The following PKDCC variants were observed in gnomAD, a reference collection of about 807,000 sequenced individuals.
PKDCC encodes the protein extracellular tyrosine-protein kinase PKDCC.
In PKDCC, 35 loss-of-function variants were observed where a neutral mutation model predicts 44.7. That is an observed-to-expected ratio of 0.78 (90% CI 0.60 to 1.04). The LOEUF is 1.04. Among genes scored for constraint, PKDCC ranks in the 50% least tolerant of loss-of-function variants. The pLI, the probability that PKDCC is intolerant of heterozygous loss-of-function variation, is 0.00. For missense variants in PKDCC, 738 were observed against 672.7 expected, an observed-to-expected ratio of 1.10 and a Z score of -1.07; for synonymous variants, 353 against 303.3, an observed-to-expected ratio of 1.16 and a Z score of -1.70.
At position 42,048,829 on chromosome 2, in the gene PKDCC, C is replaced by A; in HGVS notation, c.630C>A (p.Asn210Lys). Residue 210 changes from asparagine (N) to lysine (K), a missense_variant, in exon 1 of 7, where the codon AAC (asparagine) becomes AAA (lysine). Physicochemically the swap from Asn to Lys is moderately conservative, Grantham distance 94. Transcript: ENST00000294964. The surrounding 1 kb of genome is among the most constrained non-coding windows in gnomAD (Gnocchi z 6.2). ...MVLLERLRHP[N>K]VLQLYGYCYQ... ...TGCTGGAGCGGCTGCGGCACCCCAACGTGCTGCAGGTACGAGGGTGGGGAC... is the reference window on the plus strand; with the variant it reads ...TGCTGGAGCGGCTGCGGCACCCCAAAGTGCTGCAGGTACGAGGGTGGGGAC... The A allele has an allele frequency of 6.8e-7, 1 of 1,464,218 alleles. No individual in the cohort carries two copies. Among genetic ancestry groups the A allele is most frequent in the Non-Finnish European group, 9.1e-7 (1 of 1,099,704 alleles). The allele number at this position is 1,464,218 out of a possible 1,614,324, so 90.7% of individuals were successfully genotyped here.
In PKDCC at chr2:42,051,827, A is replaced by T. The variant is rs983601877; in HGVS notation, c.640-1412A>T. On this transcript the variant is annotated intron_variant, in intron 1 of 6. Transcript: ENST00000294964. This position sits in a 1 kb window ranked among gnomAD's most constrained non-coding sequence, Gnocchi z 4.2. ...GAGGGGGCACTCCTAGGGCGGGAAG[A>T]GGACATGTGAGGACCTGGAGTGGCT... 1.3e-5 allele frequency among the ~76,000 whole-genome samples: 2 copies of T among 152,106 alleles called. No individual in the cohort carries two copies. Among genetic ancestry groups the T allele is most frequent in the Non-Finnish European group, 2.9e-5 (2 of 68,006 alleles).
rs1190801542 is a variant in PKDCC, at chr2:42,053,246, G to A, written c.647G>A (p.Gly216Asp). 2 of 1,609,356 alleles carry A rather than the reference G, an allele frequency of 1.2e-6. No individual in the cohort carries two copies. The highest frequency in any genetic ancestry group is 2.7e-5 in the African/African-American group (2 of 74,480). ...LRHPNVLQLY[G>D]YCYQDSEDIP... is the part of the protein sequence containing the mutation. ...GCCCTCGGCTTTCCCCAGCTCTATG[G>A]CTACTGCTACCAGGACAGCGAGGAC... Residue 216 changes from glycine (G) to aspartate (D), a missense_variant, in exon 2 of 7, where the codon GGC (glycine) becomes GAC (aspartate). Gly to Asp is a moderately conservative substitution (Grantham distance 94). Coordinates refer to ENST00000294964, the MANE Select transcript of PKDCC (RefSeq NM_138370.3).
chr2:42,048,435 C>T lies in PKDCC; in HGVS notation c.236C>T (p.Ala79Val). The change falls in exon 1 of 7, where the codon GCG (alanine) becomes GTG (valine). Residue 79 changes from alanine to valine, a missense_variant. Ala to Val is a moderately conservative substitution (Grantham distance 64). Coordinates refer to ENST00000294964, the MANE Select transcript of PKDCC (RefSeq NM_138370.3). The surrounding 1 kb of genome is among the most constrained non-coding windows in gnomAD (Gnocchi z 6.2). ...TCCCGCGGGGGCCCCGGGCCCGGGG[C>T]GGGCCGGCCGGAGCGGCGGCGCCTG... ...RYSRGGPGPGAGRPERRRLMD... is the reference protein window; with the variant it reads ...RYSRGGPGPGVGRPERRRLMD... The T allele has an allele frequency of 9.0e-7, 1 of 1,113,148 alleles. No individual in the cohort carries two copies. Among genetic ancestry groups the T allele is most frequent in the Non-Finnish European group, 1.1e-6 (1 of 915,258 alleles). The allele number at this position is 1,113,148 out of a possible 1,614,324, so 69.0% of individuals were successfully genotyped here. A position where few individuals can be genotyped will look rare whatever the true frequency, so the allele number is the denominator to read the frequency against.
intron 2 of PKDCC, 79 bp downstream of exon 2, chr2:42,053,440 C>T: frequency 1.3e-6 from 2 of 1,496,292 alleles, no homozygotes; most frequent in East Asian, 4.7e-5. Flanking sequence ...TCCAAAGCAG[C>T]TCCCACTCCT....
In PKDCC at chr2:42,051,870, G is replaced by T. The variant is rs1203649821; in HGVS notation, c.640-1369G>T. On this transcript the variant is annotated intron_variant, in intron 1 of 6. Transcript: ENST00000294964. This position sits in a 1 kb window ranked among gnomAD's most constrained non-coding sequence, Gnocchi z 4.2. ...GAGTGGCTCTGGGGAGGGTGTGAAT[G>T]ATGGTATGAGGGTGACAGTGCACAG... Among the ~76,000 whole-genome samples, 2 of 152,112 alleles carry T rather than the reference G, an allele frequency of 1.3e-5. No individual in the cohort carries two copies. Among genetic ancestry groups the T allele is most frequent in the Admixed American group, 1.3e-4 (2 of 15,280 alleles).
At chr2:42,056,222 C>T (rs1339353203) in intron 5 of PKDCC, among the ~76,000 whole-genome samples, 1 of 152,124 alleles carries the variant, frequency 6.6e-6, no homozygotes, top group Non-Finnish European at 1.5e-5. Context: ...AGGCCCAGGG[C>T]TTCTGCATTA....
chr2:42,053,175 T>C, intron 1 of PKDCC, 64 bp from the exon 2 acceptor site: 1 of 1,295,138 alleles, frequency 7.7e-7, no homozygotes, highest in Non-Finnish European at 1.1e-6. Flanking sequence ...AACCTGACAG[T>C]CCAGCCCTTC....
rs1667891875 is a variant in PKDCC at position 42,048,074 on chromosome 2, G to A, written c.-126G>A. The A allele has an allele frequency of 6.7e-6, 3 of 447,534 alleles. No individual in the cohort carries two copies. The highest frequency in any genetic ancestry group is 8.8e-6 in the Non-Finnish European group (3 of 341,338). The allele number at this position is 447,534 out of a possible 1,614,324, so 27.7% of individuals were successfully genotyped here. ...GCGAGGGGCCGGGGTCGGGGCCGCC[G>A]GGGCCATGCGCGCGGGCTGGGCAGG... On this transcript the variant is annotated 5_prime_UTR_variant, in exon 1 of 7. Coordinates refer to ENST00000294964, the MANE Select transcript of PKDCC (RefSeq NM_138370.3). This position sits in a 1 kb window ranked among gnomAD's most constrained non-coding sequence, Gnocchi z 6.2.
chr2:42,057,161 C>G, intron 5 of PKDCC, 60 bp from the exon 6 acceptor site: 1 of 1,574,592 alleles, frequency 6.4e-7, no homozygotes, highest in Non-Finnish European at 8.7e-7. Context: ...AGTGACACAT[C>G]CTTGGGCACT....
chr2:42,048,601 G>A lies in PKDCC; in HGVS notation c.402G>A (p.Ala134=). 6.7e-7 allele frequency: 1 copy of A among 1,499,456 alleles called. No homozygotes were observed. Among genetic ancestry groups the A allele is most frequent in the Non-Finnish European group, 8.9e-7 (1 of 1,124,570 alleles). The allele number at this position is 1,499,456 out of a possible 1,614,324, so 92.9% of individuals were successfully genotyped here. Reference sequence around the variant, plus strand: ...CGGGCCCGCGCCTGGGCTGCGCCGCGCTTCGCAACGTGTCCGGCGCGCAGT... The same window carrying A: ...CGGGCCCGCGCCTGGGCTGCGCCGCACTTCGCAACGTGTCCGGCGCGCAGT... ...PGPGPRLGCA[A]LRNVSGAQYM... Residue 134 remains alanine, a synonymous_variant, in exon 1 of 7, where the codon GCG becomes GCA. Coordinates refer to ENST00000294964, the MANE Select transcript of PKDCC (RefSeq NM_138370.3). The surrounding 1 kb of genome is among the most constrained non-coding windows in gnomAD (Gnocchi z 6.2).
chr2:42,056,485 A>G (rs950612508), intron 5 of PKDCC, among the ~76,000 whole-genome samples: 2 of 152,182 alleles, frequency 1.3e-5, no homozygotes, highest in Admixed American at 1.3e-4. Flanking sequence ...GAACTTGCCT[A>G]ACTTCTCTCC....
chr2:42,057,940 C>T lies in PKDCC; in HGVS notation c.*252C>T. Reference sequence around the variant, plus strand: ...CATGGGGGTATGACTGCCTCTCCAACCCTGTGGGCTGTAAGCAAGCTCAGG... The same window carrying T: ...CATGGGGGTATGACTGCCTCTCCAATCCTGTGGGCTGTAAGCAAGCTCAGG... On this transcript the variant is annotated 3_prime_UTR_variant, in exon 7 of 7. Coordinates refer to ENST00000294964, the MANE Select transcript of PKDCC (RefSeq NM_138370.3). 1 of 520,704 alleles carries T rather than the reference C, an allele frequency of 1.9e-6. No individual in the cohort carries two copies. The highest frequency in any genetic ancestry group is 3.4e-6 in the Non-Finnish European group (1 of 290,854). 32.3% of individuals were successfully genotyped at this position (520,704 alleles called of 1,614,324 possible). A position where few individuals can be genotyped will look rare whatever the true frequency, so the allele number is the denominator to read the frequency against.
chr2:42,049,140 T>C (rs1224248371), intron 1 of PKDCC, among the ~76,000 whole-genome samples: 3 of 152,074 alleles, frequency 2.0e-5, no homozygotes, highest in Non-Finnish European at 4.4e-5. Context: ...AGGACTCTAC[T>C]CCGGGCTGGA....
Position 42,056,827 on chromosome 2 carries a change from C to T in PKDCC, c.1223-394C>T, listed in dbSNP as rs116203283. 1.8e-3 allele frequency among the ~76,000 whole-genome samples: 269 copies of T among 152,104 alleles called. 3 individuals carry two copies. The highest frequency in any genetic ancestry group is 6.3e-3 in the African/African-American group (263 of 41,500). ...ATTTTAACAAGAGTCCTTGGTAATTCACATGCACATTGAAGTTTGAGAAGC... is the reference window on the plus strand; with the variant it reads ...ATTTTAACAAGAGTCCTTGGTAATTTACATGCACATTGAAGTTTGAGAAGC... On this transcript the variant is annotated intron_variant, in intron 5 of 6. Transcript: ENST00000294964.
rs1274742578 is a variant in PKDCC at position 42,055,341 on chromosome 2, C to T, written c.1170C>T (p.His390=). The T allele has an allele frequency of 3.7e-6, 6 of 1,613,782 alleles. No individual in the cohort carries two copies. The highest frequency in any genetic ancestry group is 2.2e-5 in the South Asian group (2 of 90,988). Residue 390 remains histidine, a synonymous_variant, in exon 5 of 7, where the codon CAC becomes CAT. Coordinates refer to ENST00000294964, the MANE Select transcript of PKDCC (RefSeq NM_138370.3). The surrounding 1 kb of genome is among the most constrained non-coding windows in gnomAD (Gnocchi z 4.5). ...ETLAQLEKVL[H]LYRSGQYLQN... ...TGGCCCAGCTGGAGAAGGTGCTGCA[C>T]CTGTACCGGAGCGGGCAGTATCTGC...
At chr2:42,050,094 G>T (rs904105872) in intron 1 of PKDCC, among the ~76,000 whole-genome samples, 1 of 152,176 alleles carries the variant, frequency 6.6e-6, no homozygotes, top group African/African-American at 2.4e-5. Context: ...TTGGCTCCCA[G>T]TCTCCCCCTC....
Position 42,054,149 on chromosome 2 carries a change from A to G in PKDCC, c.876A>G (p.Lys292=). 6.2e-7 allele frequency: 1 copy of G among 1,613,340 alleles called. No individual in the cohort carries two copies. Among genetic ancestry groups the G allele is most frequent in the Non-Finnish European group, 8.5e-7 (1 of 1,179,726 alleles). The part of the protein sequence containing the change: ...RQFVLVDGEL[K]VTDLDDARVE... Reference sequence around the variant, plus strand: ...TTGTGCTGGTGGATGGGGAGCTCAAAGTGACGGACCTGGATGACGCACGTG... The same window carrying G: ...TTGTGCTGGTGGATGGGGAGCTCAAGGTGACGGACCTGGATGACGCACGTG... The change falls in exon 3 of 7, where the codon AAA becomes AAG. Residue 292 remains lysine, a synonymous_variant. Coordinates refer to ENST00000294964, the MANE Select transcript of PKDCC (RefSeq NM_138370.3). This position sits in a 1 kb window ranked among gnomAD's most constrained non-coding sequence, Gnocchi z 6.1.
At position 42,054,021 on chromosome 2, in the gene PKDCC, T is replaced by C; in HGVS notation, c.763-15T>C. On this transcript the variant is annotated splice_polypyrimidine_tract_variant and intron_variant, in intron 2 of 6. Coordinates refer to ENST00000294964, the MANE Select transcript of PKDCC (RefSeq NM_138370.3). The surrounding 1 kb of genome is among the most constrained non-coding windows in gnomAD (Gnocchi z 6.1). ...AGGAGAAAAGCAGTGAGCAGTCTTT[T>C]CTTGTGCCCCTCAGATCTGCCTGAG... 3.7e-6 allele frequency: 6 copies of C among 1,605,336 alleles called. No individual in the cohort carries two copies. The highest frequency in any genetic ancestry group is 5.1e-6 in the Non-Finnish European group (6 of 1,175,286).
chr2:42,048,890 C>A lies in PKDCC; in HGVS notation c.639+52C>A. The A allele has an allele frequency of 7.1e-7, 1 of 1,400,834 alleles. No individual in the cohort carries two copies. Among genetic ancestry groups the A allele is most frequent in the Non-Finnish European group, 9.3e-7 (1 of 1,072,464 alleles). 86.8% of individuals were successfully genotyped at this position (1,400,834 alleles called of 1,614,324 possible). ...CGGTGTTGGCTGGGAGTGCCCAAGA[C>A]CTTGTCAACCTGGCTGGAAGAGAAC... On this transcript the variant is annotated intron_variant, in intron 1 of 6. Transcript: ENST00000294964. This position sits in a 1 kb window ranked among gnomAD's most constrained non-coding sequence, Gnocchi z 6.2.
Sources: allele counts gnomAD v4.1 joint callset (sites outside exome capture counted in the v4.1 genomes callset), GRCh38; gene constraint gnomAD v4.1.1; non-coding constraint Gnocchi (gnomAD v3.1); transcripts MANE v1.5; gene names NCBI Gene and HGNC (gene_info 2026-07-23, HGNC 2026-07-21).